The following HK2 variants were observed in gnomAD, a reference collection of about 807,000 sequenced individuals.
HK2 encodes hexokinase-2.
HK2 carries 42 observed loss-of-function variants against 92.9 expected under a neutral mutation model. The observed-to-expected ratio is 0.45, with a 90% confidence interval of 0.35 to 0.58. The LOEUF (loss-of-function observed/expected upper bound fraction) is 0.58, where lower values mean the gene tolerates loss of function less well. Ranked by LOEUF, HK2 falls within the 20% of genes least tolerant of loss-of-function variation. The probability of loss-of-function intolerance (pLI) is 0.00; values close to 1 mark genes in which losing one functional copy is unlikely to be tolerated. For missense variants in HK2, 978 were observed against 1,245.1 expected (o/e 0.79, Z 3.23); for synonymous variants, 422 against 468.0 (o/e 0.90, Z 1.27).
intron 3 of HK2, among the ~76,000 whole-genome samples, chr2:74,868,397 T>C (rs952141315): frequency 4.6e-5 from 7 of 152,076 alleles, no homozygotes; most frequent in African/African-American, 1.4e-4. Flanking sequence ...ATTAAAGAGA[T>C]TGGGTCCTGT....
intron 1 of HK2, among the ~76,000 whole-genome samples, chr2:74,837,711 C>T (rs944450895): frequency 7.7e-6 from 1 of 130,098 alleles, no homozygotes; most frequent in Non-Finnish European, 1.6e-5. Context: ...CAGTTTCACT[C>T]TGTCACCAGG....
intron 1 of HK2, among the ~76,000 whole-genome samples, chr2:74,847,083 C>T (rs1688459514): frequency 1.3e-5 from 2 of 152,114 alleles, no homozygotes; most frequent in Admixed American, 1.3e-4. Flanking sequence ...AGAGACGGTT[C>T]TAGATAATCA....
chr2:74,879,876 CAGAT>C (rs1285420791), intron 9 of HK2, among the ~76,000 whole-genome samples: 2 of 152,204 alleles, frequency 1.3e-5, no homozygotes, highest in African/African-American at 2.4e-5. Context: ...TAGAACAAGA[CAGAT>C]AGGTGGCATC....
chr2:74,852,290 G>T (rs896679946), intron 1 of HK2, among the ~76,000 whole-genome samples: 3 of 152,232 alleles, frequency 2.0e-5, no homozygotes, highest in Non-Finnish European at 4.4e-5. Flanking sequence ...TGTGAAAGTT[G>T]TAATGTAGCA....
In HK2 at chr2:74,873,385, CA is replaced by C; in HGVS notation, c.591+15del. 2.5e-6 allele frequency: 4 copies of C among 1,596,850 alleles called. No individual in the cohort carries two copies. The highest frequency in any genetic ancestry group is 4.5e-5 in the East Asian group (2 of 44,788). On this transcript the variant is annotated intron_variant, in intron 5 of 17. Coordinates refer to ENST00000290573, the MANE Select transcript of HK2 (RefSeq NM_000189.5). Reference sequence around the variant, plus strand: ...CAGAGGAGAGGGGTGAGTGGGGTGGCAGGAGCTTGGGGTCTGTGGGCTTTTC... The same window carrying C: ...CAGAGGAGAGGGGTGAGTGGGGTGGCGGAGCTTGGGGTCTGTGGGCTTTTC...
At chr2:74,885,885 C>G (rs557768926) in intron 13 of HK2, among the ~76,000 whole-genome samples, 15 of 148,538 alleles carry the variant, frequency 1.0e-4, no homozygotes, top group Non-Finnish European at 2.2e-4. Flanking sequence ...CACACACACA[C>G]AGTAAAGGAA....
rs538898802 is a variant in HK2, at chr2:74,842,967, T to C, written c.63+8324T>C. ...AGAAGAGCAGAGGCTTCAGAGGGCA[T>C]TGTGGAGGCTGCTTACTTGGGATTT... On this transcript the variant is annotated intron_variant, in intron 1 of 17. Coordinates refer to ENST00000290573, the MANE Select transcript of HK2 (RefSeq NM_000189.5). Among the ~76,000 whole-genome samples, 7 of 152,316 alleles carry C rather than the reference T, an allele frequency of 4.6e-5. No individual in the cohort carries two copies. The South Asian group carries it at 8.3e-4, about 18-fold the overall frequency.
In HK2 at chr2:74,880,506, A is replaced by T; in HGVS notation, c.1507A>T (p.Thr503Ser). 6.2e-7 allele frequency: 1 copy of T among 1,614,074 alleles called. No individual in the cohort carries two copies. The highest frequency in any genetic ancestry group is 1.1e-5 in the South Asian group (1 of 91,084). ...VEMERGLSKETHASAPVKMLP... is the reference protein window; with the variant it reads ...VEMERGLSKESHASAPVKMLP... ...AATGGAGCGAGGTCTGAGCAAGGAG[A>T]CTCATGCCAGTGCCCCCGTCAAGAT... Residue 503 changes from threonine (T) to serine (S), a missense_variant, in exon 10 of 18, where the codon ACT becomes TCT. This residue lies in a region of HK2 where 742 missense variants were observed against 922.5 expected (regional missense o/e 0.80). Coordinates refer to ENST00000290573, the MANE Select transcript of HK2 (RefSeq NM_000189.5).
At chr2:74,841,029 A>C (rs529463584) in intron 1 of HK2, among the ~76,000 whole-genome samples, 3 of 152,178 alleles carry the variant, frequency 2.0e-5, no homozygotes, top group South Asian at 4.2e-4. Context: ...CTTATCTTTA[A>C]AGCAGTTTTC....
At chr2:74,845,438 C>T (rs1460810156) in intron 1 of HK2, among the ~76,000 whole-genome samples, 1 of 152,226 alleles carries the variant, frequency 6.6e-6, no homozygotes, top group Non-Finnish European at 1.5e-5. Context: ...ACAGGAGGAC[C>T]CTGGGCCGGG....
At chr2:74,836,330 A>C (rs1199861898) in intron 1 of HK2, among the ~76,000 whole-genome samples, 1 of 152,172 alleles carries the variant, frequency 6.6e-6, no homozygotes, top group Non-Finnish European at 1.5e-5. Context: ...TACCACTCTC[A>C]ATCTTGGAAT....
At chr2:74,861,519 A>G (rs1688826431) in intron 2 of HK2, among the ~76,000 whole-genome samples, 1 of 152,208 alleles carries the variant, frequency 6.6e-6, no homozygotes, top group Non-Finnish European at 1.5e-5. Context: ...CTCCACAAAA[A>G]CTTTACAAGA....
chr2:74,878,432 T>TGCGCACGCACATGCGTGTGC (rs1689288927), intron 8 of HK2, among the ~76,000 whole-genome samples: 1 of 150,560 alleles, frequency 6.6e-6, no homozygotes, highest in African/African-American at 2.5e-5. Flanking sequence ...TGTGTGTGTG[T>TGCGCACGCACATGCGTGTGC]GTGTGTGCGC....
intron 16 of HK2, 138 bp from the exon 17 acceptor site, chr2:74,889,107 G>T (rs1297331825): frequency 1.4e-6 from 1 of 733,816 alleles, no homozygotes; most frequent in Non-Finnish European, 2.5e-6. Flanking sequence ...TTTAGGAATG[G>T]GAACCACCTC....
intron 13 of HK2, 31 bp downstream of exon 13, chr2:74,885,620 G>A (rs754646795): frequency 3.6e-6 from 5 of 1,380,100 alleles, no homozygotes; most frequent in Non-Finnish European, 5.2e-6. Context: ...GGTCTGATGT[G>A]TCAGCTCCTC....
At position 74,885,546 on chromosome 2, in the gene HK2, A is replaced by C; in HGVS notation, c.1892A>C (p.Glu631Ala). 1 of 1,614,062 alleles carries C rather than the reference A, an allele frequency of 6.2e-7. No homozygotes were observed. The highest frequency in any genetic ancestry group is 2.2e-5 in the East Asian group (1 of 44,868). Residue 631 changes from glutamate to alanine, a missense_variant, in exon 13 of 18, where the codon GAG becomes GCG. Around this residue, in one of 3 missense-constraint regions of HK2, gnomAD observed 742 missense variants for 922.5 expected, o/e 0.80. Coordinates refer to ENST00000290573, the MANE Select transcript of HK2 (RefSeq NM_000189.5). ...TTCAAGGCATCTGGCTGCGAGGGCG[A>C]GGACGTGGTGACCCTGCTGAAGGAA... ...KGFKASGCEG[E>A]DVVTLLKEAI... is the part of the protein sequence containing the mutation.
intron 1 of HK2, among the ~76,000 whole-genome samples, chr2:74,840,904 A>AAGG (rs869156790): frequency 1.8e-5 from 2 of 113,968 alleles, no homozygotes; most frequent in African/African-American, 7.1e-5. Context: ...AAAAAAAAAA[A>AAGG]GCTGTGGGGG....
rs1450767461 is a variant in HK2, at chr2:74,874,398, C to G, written c.824C>G (p.Thr275Ser). Residue 275 changes from threonine (T) to serine (S), a missense_variant, in exon 7 of 18, where the codon ACT becomes AGT. Transcript: ENST00000290573. ...GATGGCTCGCTCAACGACATTCGCA[C>G]TGAGTTTGACCAGGAGATTGACATG... ...GDDGSLNDIR[T>S]EFDQEIDMGS... is the part of the protein sequence containing the mutation. The G allele has an allele frequency of 1.2e-6, 2 of 1,612,902 alleles. No individual in the cohort carries two copies. The highest frequency in any genetic ancestry group is 1.7e-6 in the Non-Finnish European group (2 of 1,179,326).
chr2:74,867,533 C>T (rs1688983251), intron 2 of HK2, 103 bp from the exon 3 acceptor site: 4 of 1,298,098 alleles, frequency 3.1e-6, no homozygotes, highest in South Asian at 1.2e-5. Flanking sequence ...ACTGGCCGCC[C>T]CTTACCCACA....
Sources: gnomAD v4.1 joint callset for allele counts (sites outside exome capture counted in the v4.1 genomes callset) on GRCh38, gnomAD v4.1.1 for gene constraint, gnomAD v4.1.1 regional missense constraint, MANE v1.5 for transcripts, NCBI Gene and HGNC (gene_info 2026-07-23, HGNC 2026-07-21) for gene names.